The following ACADL variants were observed in gnomAD, a reference collection of about 807,000 sequenced individuals.
ACADL encodes the protein acyl-CoA dehydrogenase long chain.
In ACADL, 60 loss-of-function variants were observed where a neutral mutation model predicts 56.9. The ratio of observed to expected loss-of-function variants is 1.05; its 90% CI spans 0.86 to 1.31. The LOEUF (loss-of-function observed/expected upper bound fraction) is 1.31, where lower values mean the gene tolerates loss of function less well. Ranked by LOEUF, ACADL falls within the 50% of genes most tolerant of loss-of-function variation. The pLI is 0.00. For synonymous variants in ACADL, 158 were observed against 179.7 expected (o/e 0.88, Z 0.97); for missense variants, 484 against 525.5 (o/e 0.92, Z 0.77).
At chr2:210,223,829 TTAAA>T (rs1262786687) in intron 1 of ACADL, among the ~76,000 whole-genome samples, 2 of 152,194 alleles carry the variant, frequency 1.3e-5, no homozygotes, top group Non-Finnish European at 2.9e-5. Flanking sequence ...ATTGTAACTT[TTAAA>T]TAAACTAAAT....
In ACADL at chr2:210,195,317, C is replaced by G. The variant is rs1303096866; in HGVS notation, c.1006G>C (p.Glu336Gln). ...GTTACACATATATGTGTTTTTAATTCTGCTAATTTATGTTGCACTGTCTTG... is the reference window on the plus strand; with the variant it reads ...GTTACACATATATGTGTTTTTAATTGTGCTAATTTATGTTGCACTGTCTTG... ...HLQTVQHKLAELKTHICVTRA... is the reference protein window; with the variant it reads ...HLQTVQHKLAQLKTHICVTRA... The change falls in exon 9 of 11, where the codon GAA (glutamate) becomes CAA (glutamine). Residue 336 changes from glutamate to glutamine, a missense_variant. Coordinates refer to ENST00000233710, the MANE Select transcript of ACADL (RefSeq NM_001608.4). 6.2e-7 allele frequency: 1 copy of G among 1,612,964 alleles called. No homozygotes were observed. Among genetic ancestry groups the G allele is most frequent in the Admixed American group, 1.7e-5 (1 of 59,936 alleles).
chr2:210,212,477 A>C (rs1441718232), intron 4 of ACADL, among the ~76,000 whole-genome samples: 1 of 151,932 alleles, frequency 6.6e-6, no homozygotes, highest in East Asian at 1.9e-4. Context: ...CTCCCCTATA[A>C]CCTCTGTAGA....
intron 4 of ACADL, among the ~76,000 whole-genome samples, chr2:210,214,941 G>C (rs1689060418): frequency 6.6e-6 from 1 of 151,958 alleles, no homozygotes; most frequent in Non-Finnish European, 1.5e-5. Context: ...ATCTTAAAAA[G>C]ATAAATACAA....
intron 8 of ACADL, among the ~76,000 whole-genome samples, chr2:210,198,936 T>C (rs914687827): frequency 6.6e-6 from 1 of 152,092 alleles, no homozygotes; most frequent in Admixed American, 6.6e-5. Context: ...TATTGCTACA[T>C]CCATACGTAG....
intron 8 of ACADL, among the ~76,000 whole-genome samples, chr2:210,202,174 C>T (rs1688804096): frequency 2.0e-5 from 3 of 152,126 alleles, no homozygotes; most frequent in Non-Finnish European, 4.4e-5. Flanking sequence ...CTCACTGCAA[C>T]CTCTACCTCC....
chr2:210,193,576 A>C (rs1290757422), intron 9 of ACADL, among the ~76,000 whole-genome samples: 1 of 152,200 alleles, frequency 6.6e-6, no homozygotes, highest in Non-Finnish European at 1.5e-5. Context: ...TCTATCATTA[A>C]AATTCATGAT....
chr2:210,212,547 C>A (rs1689003951), intron 4 of ACADL, among the ~76,000 whole-genome samples: 1 of 152,252 alleles, frequency 6.6e-6, no homozygotes, highest in East Asian at 1.9e-4. Flanking sequence ...GGACTTTTAG[C>A]CTTCAGAACT....
rs1689164174 is a variant in ACADL, at chr2:210,220,787, T to A, written c.93A>T (p.Gly31=). The stretch of plus-strand genomic sequence containing the variant: ...AAGGAGTTTCTAGACGTTCTTCCCC[T>A]CCGGAATGAGAACATCTTAAAAATA... ...QLPAARCSHS[G]GEERLETPSA... Residue 31 remains glycine, a synonymous_variant, in exon 2 of 11, where the codon GGA becomes GGT. Transcript: ENST00000233710. 6.2e-7 allele frequency: 1 copy of A among 1,606,784 alleles called. No homozygotes were observed. The highest frequency in any genetic ancestry group is 8.5e-7 in the Non-Finnish European group (1 of 1,176,146).
At chr2:210,210,030 T>TA in intron 5 of ACADL, 166 bp downstream of exon 5, 1 of 610,904 alleles carries the variant, frequency 1.6e-6, no homozygotes, top group South Asian at 1.9e-5. Flanking sequence ...CTACCACAGA[T>TA]CTTAAGTAAT....
chr2:210,223,651 A>G (rs986233024), intron 1 of ACADL, among the ~76,000 whole-genome samples: 2 of 152,212 alleles, frequency 1.3e-5, no homozygotes, highest in Non-Finnish European at 1.5e-5. Context: ...ACTTACGCCA[A>G]TGGATAAAAC....
intron 5 of ACADL, among the ~76,000 whole-genome samples, chr2:210,209,389 TGATATCAGA>T (rs1688943382): frequency 6.6e-6 from 1 of 152,224 alleles, no homozygotes; most frequent in South Asian, 2.1e-4. Context: ...TTGCCCTCAT[TGATATCAGA>T]GATCCTGAGC....
intron 7 of ACADL, among the ~76,000 whole-genome samples, chr2:210,204,029 TAGTC>T (rs1006475903): frequency 2.0e-4 from 31 of 152,178 alleles, no homozygotes; most frequent in African/African-American, 6.5e-4. Context: ...AAAGTAGCCT[TAGTC>T]AGTTTGATTC....
chr2:210,210,043 A>G (rs1575677571), intron 5 of ACADL, 153 bp downstream of exon 5: 1 of 660,276 alleles, frequency 1.5e-6, no homozygotes, highest in East Asian at 2.7e-5. Flanking sequence ...TAAGTAATAT[A>G]TGTTGTAAAT....
chr2:210,215,176 T>C (rs1048737070), intron 4 of ACADL, among the ~76,000 whole-genome samples: 1 of 152,202 alleles, frequency 6.6e-6, no homozygotes, highest in Non-Finnish European at 1.5e-5. Flanking sequence ...TAATTTCCCT[T>C]ACCAGTTAGC....
Position 210,220,771 on chromosome 2 carries a change from C to A in ACADL, c.109G>T (p.Glu37Ter). 1 of 1,610,308 alleles carries A rather than the reference C, an allele frequency of 6.2e-7. No homozygotes were observed. Among genetic ancestry groups the A allele is most frequent in the South Asian group, 1.1e-5 (1 of 90,856 alleles). ...GTTAATTTTTTAGCAGAAGGAGTTTCTAGACGTTCTTCCCCTCCGGAATGA... is the reference window on the plus strand; with the variant it reads ...GTTAATTTTTTAGCAGAAGGAGTTTATAGACGTTCTTCCCCTCCGGAATGA... ...CSHSGGEERL[E>*]TPSAKKLTDI... The change falls in exon 2 of 11, where the codon GAA becomes TAA. Residue 37 changes from glutamate (E) to a stop codon, truncating the protein, a stop_gained. Transcript: ENST00000233710. LOFTEE classifies it high-confidence loss of function.
chr2:210,204,486 A>G, intron 7 of ACADL, 95 bp downstream of exon 7: 1 of 966,036 alleles, frequency 1.0e-6, no homozygotes, highest in Non-Finnish European at 1.6e-6. Flanking sequence ...TGCATGTATA[A>G]ATTTGAATGC....
At chr2:210,203,535 T>C in intron 7 of ACADL, 91 bp from the exon 8 acceptor site, 1 of 799,918 alleles carries the variant, frequency 1.3e-6, no homozygotes, top group South Asian at 1.6e-5. Context: ...ATAAATTATC[T>C]TTATAATAAA....
chr2:210,210,229 CT>C lies in ACADL; in HGVS notation c.569del (p.Lys190ArgfsTer20). On this transcript the variant is annotated frameshift_variant, in exon 5 of 11. Transcript: ENST00000233710. LOFTEE classifies it high-confidence loss of function. The stretch of plus-strand genomic sequence containing the variant: ...CATTGAGAATCCAGTCACTTCCATC[CT>C]TTTTAGCATTTGTTTTTATTCCCTG... ...DLQGIKTNAK[K>X]DGSDWILNGS... is the part of the protein sequence containing the mutation. 6.2e-7 allele frequency: 1 copy of C among 1,612,708 alleles called. No homozygotes were observed. The highest frequency in any genetic ancestry group is 8.5e-7 in the Non-Finnish European group (1 of 1,179,084).
chr2:210,221,823 G>A (rs545359801), intron 1 of ACADL, among the ~76,000 whole-genome samples: 1 of 150,984 alleles, frequency 6.6e-6, no homozygotes, highest in East Asian at 2.0e-4. Context: ...TCGCCTTCCC[G>A]GTTCAAGCCA....
Sources: allele counts gnomAD v4.1 joint callset (sites outside exome capture counted in the v4.1 genomes callset), GRCh38; gene constraint gnomAD v4.1.1; transcripts MANE v1.5; gene names NCBI Gene and HGNC (gene_info 2026-07-23, HGNC 2026-07-21).